MAGI2: variants seen among roughly 807,000 people sequenced by gnomAD.
MAGI2 encodes the protein membrane-associated guanylate kinase, WW and PDZ domain-containing protein 2.
In MAGI2, 35 loss-of-function variants were observed where a neutral mutation model predicts 133.3. That is an observed-to-expected ratio of 0.26 (90% CI 0.20 to 0.35). MAGI2 has a LOEUF of 0.35. Among genes scored for constraint, MAGI2 ranks in the 10% least tolerant of loss-of-function variants. MAGI2 has a pLI of 1.00. For missense variants in MAGI2, 1,636 were observed against 1,863.4 expected (o/e 0.88, Z 2.25); for synonymous variants, 729 against 710.6 (o/e 1.03, Z -0.41).
chr7:78,147,513 A>G (rs1270345371), intron 16 of MAGI2, among the ~76,000 whole-genome samples: 1 of 152,190 alleles, frequency 6.6e-6, no homozygotes, highest in African/African-American at 2.4e-5. Context: ...ATTTGAGACT[A>G]TCATCACAAA....
chr7:78,269,821 T>C (rs753869855), intron 9 of MAGI2, among the ~76,000 whole-genome samples: 1 of 152,232 alleles, frequency 6.6e-6, no homozygotes, highest in Non-Finnish European at 1.5e-5. Flanking sequence ...TTTGGTGTTT[T>C]AGTCATAAAG....
intron 21 of MAGI2, among the ~76,000 whole-genome samples, chr7:78,020,881 C>A (rs1358610573): frequency 6.6e-6 from 1 of 151,934 alleles, no homozygotes; most frequent in Non-Finnish European, 1.5e-5. Context: ...GAACTTAATT[C>A]TTTTTAGTAC....
chr7:78,804,565 G>T (rs1429541451), intron 2 of MAGI2, among the ~76,000 whole-genome samples: 1 of 149,074 alleles, frequency 6.7e-6, no homozygotes, highest in African/African-American at 2.5e-5. Context: ...TGGCTAACAC[G>T]GTGAAACCCC....
intron 3 of MAGI2, among the ~76,000 whole-genome samples, chr7:78,613,810 AGAC>A (rs1229003094): frequency 6.6e-6 from 1 of 152,128 alleles, no homozygotes; most frequent in African/African-American, 2.4e-5. Context: ...TTTGCCTCTA[AGAC>A]GAATATATAC....
At chr7:78,955,723 CTCTTTCTTTCTT>C (rs1158477695) in intron 2 of MAGI2, among the ~76,000 whole-genome samples, 3,839 of 82,812 alleles carry the variant, frequency 0.046, 89 homozygotes, top group Non-Finnish European at 0.054. Flanking sequence ...TTCTTTCTTT[CTCTTTCTTTCTT>C]TCTTTCTTTC....
intron 3 of MAGI2, among the ~76,000 whole-genome samples, chr7:78,609,386 C>A (rs1012095304): frequency 2.6e-5 from 4 of 152,130 alleles, no homozygotes; most frequent in African/African-American, 9.7e-5. Context: ...CAACAGGAAA[C>A]ACACCAATCC....
chr7:79,137,172 CT>C (rs1821658789), intron 1 of MAGI2, among the ~76,000 whole-genome samples: 1 of 152,034 alleles, frequency 6.6e-6, no homozygotes, highest in African/African-American at 2.4e-5. Flanking sequence ...TAGAAGAAAC[CT>C]CCAAACCCGT....
intron 2 of MAGI2, among the ~76,000 whole-genome samples, chr7:78,986,245 C>G (rs749377465): frequency 1.3e-5 from 2 of 152,010 alleles, no homozygotes; most frequent in Non-Finnish European, 2.9e-5. Flanking sequence ...ATTCTGAATA[C>G]GGGAAAAATG....
intron 6 of MAGI2, among the ~76,000 whole-genome samples, chr7:78,394,553 A>T (rs1583869565): frequency 6.6e-6 from 1 of 151,310 alleles, no homozygotes; most frequent in Non-Finnish European, 1.5e-5. Flanking sequence ...CTCCCATCTA[A>T]CTCTTCTCTC....
chr7:78,668,133 T>C (rs1467165676), intron 2 of MAGI2, among the ~76,000 whole-genome samples: 9 of 152,290 alleles, frequency 5.9e-5, no homozygotes, highest in South Asian at 2.1e-4. Context: ...TTGCATTTCT[T>C]TGATGGCCAG....
At chr7:79,405,879 G>C (rs933722898) in intron 1 of MAGI2, among the ~76,000 whole-genome samples, 1 of 147,252 alleles carries the variant, frequency 6.8e-6, no homozygotes, top group Non-Finnish European at 1.5e-5. Context: ...TCCCCTCTAG[G>C]GTGCTCCACC....
At position 79,225,826 on chromosome 7, in the gene MAGI2, TA is replaced by T. The variant is rs1454908382; in HGVS notation, c.302-218621del. 2.0e-5 allele frequency among the ~76,000 whole-genome samples: 3 copies of T among 152,348 alleles called. No individual in the cohort carries two copies. The East Asian group carries it at 5.8e-4, about 29-fold the overall frequency. On this transcript the variant is annotated intron_variant, in intron 1 of 21. Transcript: ENST00000354212. The stretch of plus-strand genomic sequence containing the variant: ...CAACTGAGCCTGTTTTGTAATATTC[TA>T]AACTGCTGACCCTATCTTCTTTCCA...
At chr7:78,373,896 A>C (rs533176217) in intron 6 of MAGI2, among the ~76,000 whole-genome samples, 1 of 152,276 alleles carries the variant, frequency 6.6e-6, no homozygotes, top group South Asian at 2.1e-4. Flanking sequence ...AATGCCCTCC[A>C]GCTGCATCCA....
chr7:79,302,984 TTAAACATTAA>T (rs1278070171), intron 1 of MAGI2, among the ~76,000 whole-genome samples: 2 of 152,216 alleles, frequency 1.3e-5, no homozygotes, highest in Non-Finnish European at 2.9e-5. Context: ...GTCATACTGT[TTAAACATTAA>T]TAAACTGTAT....
chr7:78,376,694 G>T (rs1233307108), intron 6 of MAGI2, among the ~76,000 whole-genome samples: 1 of 151,914 alleles, frequency 6.6e-6, no homozygotes, highest in Non-Finnish European at 1.5e-5. Flanking sequence ...AGTATTTTGG[G>T]GATTCAGAAT....
At chr7:79,452,941 G>T in intron 1 of MAGI2, 79 bp downstream of exon 1, 1 of 1,437,908 alleles carries the variant, frequency 7.0e-7, no homozygotes, top group Non-Finnish European at 9.3e-7. Context: ...CCTTCAACAT[G>T]CGCGGCCACC....
chr7:78,948,865 A>C (rs1801644849), intron 2 of MAGI2, among the ~76,000 whole-genome samples: 1 of 152,196 alleles, frequency 6.6e-6, no homozygotes, highest in South Asian at 2.1e-4. Flanking sequence ...GCTTTCCATA[A>C]GTACCCCAGT....
chr7:78,324,153 CACACT>C (rs143726218), intron 9 of MAGI2, among the ~76,000 whole-genome samples: 86 of 144,412 alleles, frequency 6.0e-4, no homozygotes, highest in African/African-American at 1.8e-3. Flanking sequence ...CACTACACTA[CACACT>C]ACACTACACT....
intron 1 of MAGI2, chr7:79,353,840 G>A: frequency 4.8e-6 from 1 of 208,788 alleles, no homozygotes; most frequent in East Asian, 1.3e-4. Context: ...GGCTGGAACT[G>A]CTGGGAGCCC....
Sources: gnomAD v4.1 joint callset for allele counts (sites outside exome capture counted in the v4.1 genomes callset) on GRCh38, gnomAD v4.1.1 for gene constraint, MANE v1.5 for transcripts, NCBI Gene and HGNC (gene_info 2026-07-23, HGNC 2026-07-21) for gene names.